The following CYTH4 variants were observed in gnomAD, a reference collection of about 807,000 sequenced individuals.
CYTH4 encodes cytohesin-4.
Under a neutral mutation model 57.5 loss-of-function variants are expected in CYTH4, and 22 were observed. That is an observed-to-expected ratio of 0.38 (90% confidence interval 0.27 to 0.55). The LOEUF is 0.55. Ranked by LOEUF, CYTH4 falls within the 20% of genes least tolerant of loss-of-function variation. CYTH4 has a pLI of 0.74. For missense variants in CYTH4, 420 were observed against 535.6 expected (o/e 0.78, Z 2.13); for synonymous variants, 186 against 206.5 (o/e 0.90, Z 0.85).
chr22:37,282,580 GC>G lies in CYTH4; in HGVS notation c.13del (p.His5ThrfsTer7). 6.2e-7 allele frequency: 1 copy of G among 1,613,168 alleles called. No individual in the cohort carries two copies. The highest frequency in any genetic ancestry group is 8.5e-7 in the Non-Finnish European group (1 of 1,179,596). MDL[C>X]HPEPAELSSG... ...CCCAGAGGCGTCGGAATGGACCTGTGCCACCCAGGTAAGCAACTGCCGTCAA... is the reference window on the plus strand; with the variant it reads ...CCCAGAGGCGTCGGAATGGACCTGTGCACCCAGGTAAGCAACTGCCGTCAA... On this transcript the variant is annotated frameshift_variant, in exon 1 of 13. Transcript: ENST00000248901. LOFTEE classifies it high-confidence loss of function.
intron 7 of CYTH4, chr22:37,302,132 C>CA (rs1296579115): frequency 1.2e-5 from 2 of 168,094 alleles, no homozygotes; most frequent in Non-Finnish European, 2.9e-5. Context: ...TGTCCATGGA[C>CA]AAACCTTCCA....
chr22:37,294,864 A>G lies in CYTH4; in HGVS notation c.167+140A>G, dbSNP rs1295626562. 4 of 1,012,910 alleles carry G rather than the reference A, an allele frequency of 3.9e-6. No homozygotes were observed. In the South Asian group the frequency reaches 4.4e-5, roughly 11 times the overall value. The allele number at this position is 1,012,910 out of a possible 1,614,324, so 62.7% of individuals were successfully genotyped here. A position where few individuals can be genotyped will look rare whatever the true frequency, so the allele number is the denominator to read the frequency against. On this transcript the variant is annotated intron_variant, in intron 3 of 12. Coordinates refer to ENST00000248901, the MANE Select transcript of CYTH4 (RefSeq NM_013385.5). ...ATTGGCCAGGGAGAAGGAGGCAGCAACGAGACCGGAACAGGGTGGCCCCGG... is the reference window on the plus strand; with the variant it reads ...ATTGGCCAGGGAGAAGGAGGCAGCAGCGAGACCGGAACAGGGTGGCCCCGG...
Position 37,309,242 on chromosome 22 carries a change from T to C in CYTH4, c.727T>C (p.Phe243Leu), listed in dbSNP as rs774401543. 6.2e-7 allele frequency: 1 copy of C among 1,614,082 alleles called. No homozygotes were observed. The highest frequency in any genetic ancestry group is 1.1e-5 in the South Asian group (1 of 91,078). Residue 243 changes from phenylalanine (F) to leucine (L), a missense_variant, in exon 9 of 13, where the codon TTC (phenylalanine) becomes CTC (leucine). Phe to Leu is a conservative substitution (Grantham distance 22, BLOSUM62 0). Transcript: ENST00000248901. Reference protein sequence around the residue: ...NLFDSIKSEPFSIPEDDGNDL... With the variant: ...NLFDSIKSEPLSIPEDDGNDL... ...CTTCGACAGCATCAAGAGTGAGCCA[T>C]TCTCCATCCCTGAGGACGACGGCAA... is the stretch of plus-strand genomic sequence containing the variant.
chr22:37,301,028 A>C lies in CYTH4; in HGVS notation c.547+9A>C, dbSNP rs753169627. 1 of 1,611,452 alleles carries C rather than the reference A, an allele frequency of 6.2e-7. No homozygotes were observed. ...CGTCTTCCAGTCCACAGGTGCCAGG[A>C]GGGGAGTGGGACCCAGGGCTCCGGG... On this transcript the variant is annotated intron_variant, in intron 7 of 12. Coordinates refer to ENST00000248901, the MANE Select transcript of CYTH4 (RefSeq NM_013385.5).
chr22:37,310,638 C>T (rs1929604762), intron 9 of CYTH4, among the ~76,000 whole-genome samples: 1 of 152,130 alleles, frequency 6.6e-6, no homozygotes, highest in Non-Finnish European at 1.5e-5. Flanking sequence ...AAATGAAGGA[C>T]GAAATGCTTA....
intron 1 of CYTH4, 118 bp from the exon 2 acceptor site, chr22:37,292,503 G>A (rs924186913): frequency 1.1e-6 from 1 of 950,568 alleles, no homozygotes; most frequent in Non-Finnish European, 1.6e-6. Flanking sequence ...TGGAGGAGGT[G>A]GGCCTCTGTG....
Position 37,312,031 on chromosome 22 carries a change from G to A in CYTH4, c.969G>A (p.Glu323=), listed in dbSNP as rs1343450539. 2 of 1,613,744 alleles carry A rather than the reference G, an allele frequency of 1.2e-6. No individual in the cohort carries two copies. Among genetic ancestry groups the A allele is most frequent in the East Asian group, 2.2e-5 (1 of 44,834 alleles). Residue 323 remains glutamate (E), a synonymous_variant, in exon 12 of 13, where the codon GAG becomes GAA. Transcript: ENST00000248901. ...VDDPKKPFCL[E]LYNPSCRGQK... is the part of the protein sequence containing the mutation. ...CCACCTCCCCACAGTTCTGCCTGGA[G>A]CTCTACAACCCTAGCTGCCGAGGCC...
Position 37,305,394 on chromosome 22 carries a change from G to A in CYTH4, c.696+1992G>A, listed in dbSNP as rs187321936. Among the ~76,000 whole-genome samples, 507 of 152,242 alleles carry A rather than the reference G, an allele frequency of 3.3e-3. 3 individuals carry two copies. Among genetic ancestry groups the A allele is most frequent in the Non-Finnish European group, 6.2e-3 (419 of 68,014 alleles). On this transcript the variant is annotated intron_variant, in intron 8 of 12. Transcript: ENST00000248901. ...CCCAGAGAGGCAGACACAGACTAAG[G>A]GAAAGAACAGAGCGCTGGACTCAGA...
chr22:37,312,257 T>C, intron 12 of CYTH4, 83 bp downstream of exon 12: 7 of 1,542,384 alleles, frequency 4.5e-6, no homozygotes, highest in Non-Finnish European at 6.2e-6. Context: ...TCCTTATCTG[T>C]AAAGGGGCTA....
chr22:37,308,978 T>G (rs1011790518), intron 8 of CYTH4, among the ~76,000 whole-genome samples: 1 of 151,748 alleles, frequency 6.6e-6, no homozygotes, highest in Non-Finnish European at 1.5e-5. Context: ...GAGGGAAGCA[T>G]GACCGGGGTG....
intron 1 of CYTH4, among the ~76,000 whole-genome samples, chr22:37,289,946 AC>A (rs1269003696): frequency 3.3e-5 from 5 of 152,180 alleles, no homozygotes; most frequent in African/African-American, 9.7e-5. Flanking sequence ...TGGCACCCAC[AC>A]CTGCCATTCC....
At chr22:37,296,233 GCGCCCTGTCTA>G in intron 4 of CYTH4, 168 bp downstream of exon 4, 1 of 722,352 alleles carries the variant, frequency 1.4e-6, no homozygotes, top group East Asian at 2.7e-5. Context: ...CTGTGGCTGG[GCGCCCTGTCTA>G]CTCCCAGGCA....
intron 1 of CYTH4, among the ~76,000 whole-genome samples, chr22:37,288,268 T>C (rs939406913): frequency 6.6e-6 from 1 of 152,088 alleles, no homozygotes; most frequent in Non-Finnish European, 1.5e-5. Context: ...AGAGATTGGC[T>C]GGGCATGGTG....
intron 1 of CYTH4, among the ~76,000 whole-genome samples, chr22:37,286,592 A>T (rs1928569931): frequency 6.6e-6 from 1 of 151,988 alleles, no homozygotes; most frequent in Non-Finnish European, 1.5e-5. Flanking sequence ...ACCCAGGAGG[A>T]CCCCTGAAAA....
At chr22:37,307,395 C>T (rs918845592) in intron 8 of CYTH4, among the ~76,000 whole-genome samples, 7 of 152,194 alleles carry the variant, frequency 4.6e-5, no homozygotes, top group African/African-American at 1.7e-4. Flanking sequence ...TTGATGGGGC[C>T]TTCCTGTTCC....
chr22:37,311,684 G>A lies in CYTH4; in HGVS notation c.957+157G>A, dbSNP rs943012423. The A allele has an allele frequency of 9.3e-6, 7 of 749,962 alleles. No individual in the cohort carries two copies. The highest frequency in any genetic ancestry group is 3.5e-5 in the African/African-American group (2 of 56,806). 46.5% of individuals were successfully genotyped at this position (749,962 alleles called of 1,614,324 possible). A position where few individuals can be genotyped will look rare whatever the true frequency, so the allele number is the denominator to read the frequency against. ...AGGGCTGCCTTCTCTCCCTCCTGGG[G>A]CCATGGACAGTGAGAAAAGGTCAAT... On this transcript the variant is annotated intron_variant, in intron 11 of 12. Coordinates refer to ENST00000248901, the MANE Select transcript of CYTH4 (RefSeq NM_013385.5). The surrounding 1 kb of genome is among the most constrained non-coding windows in gnomAD (Gnocchi z 4.4).
chr22:37,301,682 C>CTTTTTTTT (rs71798839), intron 7 of CYTH4, among the ~76,000 whole-genome samples: 1 of 50,346 alleles, frequency 2.0e-5, no homozygotes, highest in Non-Finnish European at 3.8e-5. Context: ...CCACTCAATC[C>CTTTTTTTT]TTTTTTTTTT....
At position 37,300,968 on chromosome 22, in the gene CYTH4, G is replaced by C. The variant is rs145874855; in HGVS notation, c.496G>C (p.Ala166Pro). The change falls in exon 7 of 13, where the codon GCC (alanine) becomes CCC (proline). Residue 166 changes from alanine (A) to proline (P), a missense_variant. Transcript: ENST00000248901. ...EAQKIDRMMEAFATRYCLCNP... is the reference protein window; with the variant it reads ...EAQKIDRMMEPFATRYCLCNP... ...CCAGAAGATAGACCGGATGATGGAG[G>C]CCTTTGCCACTCGATACTGCCTCTG... is the stretch of plus-strand genomic sequence containing the variant. 1.2e-6 allele frequency: 2 copies of C among 1,614,214 alleles called. No individual in the cohort carries two copies. Among genetic ancestry groups the C allele is most frequent in the Non-Finnish European group, 1.7e-6 (2 of 1,180,036 alleles).
At chr22:37,301,534 C>T (rs540298766) in intron 7 of CYTH4, among the ~76,000 whole-genome samples, 1 of 152,000 alleles carries the variant, frequency 6.6e-6, no homozygotes, top group South Asian at 2.1e-4. Flanking sequence ...TAACCCAATG[C>T]CCATGTGAAG....
Sources: allele counts gnomAD v4.1 joint callset (sites outside exome capture counted in the v4.1 genomes callset), GRCh38; gene constraint gnomAD v4.1.1; non-coding constraint Gnocchi (gnomAD v3.1); transcripts MANE v1.5; gene names NCBI Gene and HGNC (gene_info 2026-07-23, HGNC 2026-07-21).